ANKRD12: variants seen among roughly 807,000 people sequenced by gnomAD.
ANKRD12 encodes the protein ankyrin repeat domain 12.
Under a neutral mutation model 183.4 loss-of-function variants are expected in ANKRD12, and 85 were observed. That is an observed-to-expected ratio of 0.46 (90% CI 0.39 to 0.56). The LOEUF is 0.56. ANKRD12 is among the 20% of genes least tolerant of loss of function. ANKRD12 has a pLI of 0.00. For synonymous variants in ANKRD12, 914 were observed against 800.2 expected, an observed-to-expected ratio of 1.14 and a Z score of -2.40; for missense variants, 2,405 against 2,357.1, an observed-to-expected ratio of 1.02 and a Z score of -0.42.
At chr18:9,177,739 A>G (rs1378389729) in intron 1 of ANKRD12, among the ~76,000 whole-genome samples, 1 of 151,984 alleles carries the variant, frequency 6.6e-6, no homozygotes, top group Non-Finnish European at 1.5e-5. Context: ...CACCCTCCAC[A>G]CGTACCCTTC....
intron 6 of ANKRD12, among the ~76,000 whole-genome samples, chr18:9,215,976 T>C (rs562201836): frequency 6.6e-6 from 1 of 151,728 alleles, no homozygotes; most frequent in East Asian, 1.9e-4. Context: ...AGAAAACAGA[T>C]TGACCTTAGA....
At chr18:9,168,162 T>C (rs1325154617) in intron 1 of ANKRD12, among the ~76,000 whole-genome samples, 2 of 152,222 alleles carry the variant, frequency 1.3e-5, no homozygotes, top group African/African-American at 4.8e-5. Flanking sequence ...TCATCAAAGA[T>C]ATTGGTCTAA....
At chr18:9,236,047 T>C (rs2037328398) in intron 8 of ANKRD12, among the ~76,000 whole-genome samples, 1 of 152,030 alleles carries the variant, frequency 6.6e-6, no homozygotes, top group African/African-American at 2.4e-5. Flanking sequence ...CCAGCAATAG[T>C]GATAGTTCTT....
At chr18:9,138,426 T>C (rs996304418) in intron 1 of ANKRD12, among the ~76,000 whole-genome samples, 6 of 152,150 alleles carry the variant, frequency 3.9e-5, no homozygotes, top group African/African-American at 1.4e-4. Flanking sequence ...GGCAGGGGAA[T>C]CGCTTGAACC....
intron 1 of ANKRD12, among the ~76,000 whole-genome samples, chr18:9,164,151 G>T (rs2031773094): frequency 6.6e-6 from 1 of 152,132 alleles, no homozygotes; most frequent in Admixed American, 6.6e-5. Context: ...GATAATAGCT[G>T]TGGGTTTGTC....
chr18:9,156,151 A>AAAG (rs1555707199), intron 1 of ANKRD12, among the ~76,000 whole-genome samples: 32 of 150,758 alleles, frequency 2.1e-4, no homozygotes, highest in East Asian at 3.9e-4. Context: ...AAAAAAAAAA[A>AAAG]AAAAGAAAAA....
intron 6 of ANKRD12, among the ~76,000 whole-genome samples, chr18:9,215,229 A>C (rs1424029007): frequency 6.6e-6 from 1 of 152,154 alleles, no homozygotes; most frequent in East Asian, 1.9e-4. Context: ...AGAAGCAAGC[A>C]CCAAGATTTA....
chr18:9,216,086 A>G (rs971327286), intron 6 of ANKRD12, among the ~76,000 whole-genome samples: 14 of 151,698 alleles, frequency 9.2e-5, no homozygotes, highest in Non-Finnish European at 1.8e-4. Context: ...ACAGTGGAAG[A>G]AGGAGGGTGG....
chr18:9,209,710 C>A (rs1338967973), intron 5 of ANKRD12, among the ~76,000 whole-genome samples: 1 of 152,096 alleles, frequency 6.6e-6, no homozygotes, highest in Non-Finnish European at 1.5e-5. Flanking sequence ...AGTCTGTGAC[C>A]AAATTAAAGT....
intron 6 of ANKRD12, among the ~76,000 whole-genome samples, chr18:9,212,558 T>G (rs909315236): frequency 6.6e-6 from 1 of 151,972 alleles, no homozygotes; most frequent in Non-Finnish European, 1.5e-5. Flanking sequence ...TAGCATTCCG[T>G]AGGCAACACT....
chr18:9,242,074 A>G (rs1330417786), intron 8 of ANKRD12, among the ~76,000 whole-genome samples: 1 of 152,058 alleles, frequency 6.6e-6, no homozygotes, highest in African/African-American at 2.4e-5. Flanking sequence ...TATCAGAAAA[A>G]TAAATGGCAA....
intron 3 of ANKRD12, among the ~76,000 whole-genome samples, chr18:9,198,625 C>T (rs113943032): frequency 0.064 from 9,674 of 152,234 alleles, 337 homozygotes; most frequent in Non-Finnish European, 0.079. Flanking sequence ...TCTCAGCTCA[C>T]TGCAACCTCT....
intron 1 of ANKRD12, among the ~76,000 whole-genome samples, chr18:9,164,896 GTAGA>G (rs1361658606): frequency 6.6e-6 from 1 of 152,206 alleles, no homozygotes; most frequent in Non-Finnish European, 1.5e-5. Flanking sequence ...GGAGCGTTCT[GTAGA>G]TATCTGTCAG....
intron 2 of ANKRD12, among the ~76,000 whole-genome samples, chr18:9,186,034 C>G (rs570044826): frequency 6.6e-6 from 1 of 152,046 alleles, no homozygotes; most frequent in Admixed American, 6.6e-5. Flanking sequence ...ATTTATGAGG[C>G]TAAACTGAAT....
chr18:9,237,549 G>A (rs544903378), intron 8 of ANKRD12, among the ~76,000 whole-genome samples: 1 of 152,220 alleles, frequency 6.6e-6, no homozygotes, highest in South Asian at 2.1e-4. Context: ...ATAAACTATT[G>A]CACAGCCATG....
chr18:9,268,139 G>T (rs1320099442), intron 10 of ANKRD12, among the ~76,000 whole-genome samples: 1 of 151,786 alleles, frequency 6.6e-6, no homozygotes, highest in African/African-American at 2.4e-5. Context: ...GCTTACCAAC[G>T]AAAAAAAGTC....
intron 10 of ANKRD12, 62 bp from the exon 11 acceptor site, chr18:9,275,462 G>A (rs2039786277): frequency 1.3e-6 from 2 of 1,507,744 alleles, no homozygotes; most frequent in Non-Finnish European, 9.1e-7. Flanking sequence ...GAGAGAGTAA[G>A]ACTGTTCTTA....
intron 3 of ANKRD12, among the ~76,000 whole-genome samples, chr18:9,200,902 A>G (rs1567908824): frequency 6.6e-6 from 1 of 152,118 alleles, no homozygotes; most frequent in Non-Finnish European, 1.5e-5. Flanking sequence ...ATGCTCTGCC[A>G]CTCTTAGCTC....
intron 1 of ANKRD12, chr18:9,137,692 C>G (rs891025160): frequency 6.6e-6 from 1 of 152,216 alleles, no homozygotes; most frequent in Admixed American, 6.5e-5. Flanking sequence ...GTCTTAAATG[C>G]CAGTGTAAAA....
Sources: gnomAD v4.1 joint callset for allele counts (sites outside exome capture counted in the v4.1 genomes callset) on GRCh38, gnomAD v4.1.1 for gene constraint, MANE v1.5 for transcripts, NCBI Gene and HGNC (gene_info 2026-07-23, HGNC 2026-07-21) for gene names.